Variants in UNC13C observed in about 807,000 individuals in gnomAD.
The protein encoded by UNC13C is protein unc-13 homolog C.
In UNC13C, 174 loss-of-function variants were observed where a neutral mutation model predicts 245.4. The ratio of observed to expected loss-of-function variants is 0.71; its 90% CI spans 0.63 to 0.80. UNC13C has a LOEUF of 0.80. Among genes scored for constraint, UNC13C ranks in the 30% least tolerant of loss-of-function variants. UNC13C has a pLI of 0.00. For missense variants in UNC13C, 2,829 were observed against 2,602.9 expected, an observed-to-expected ratio of 1.09 and a Z score of -1.89; for synonymous variants, 992 against 895.1, an observed-to-expected ratio of 1.11 and a Z score of -1.93.
chr15:53,860,707 T>C, the UNC13C span, among the ~76,000 whole-genome samples: 1 of 152,210 alleles, frequency 6.6e-6, no homozygotes, highest in African/African-American at 2.4e-5. Context: ...AGATCCTTAA[T>C]CTTTTAGACT....
intron 4 of UNC13C, among the ~76,000 whole-genome samples, chr15:54,196,471 C>T (rs1160487798): frequency 1.3e-5 from 2 of 152,068 alleles, no homozygotes; most frequent in African/African-American, 4.8e-5. Context: ...AAACATTCTC[C>T]AAGTTATTTT....
At chr15:54,174,329 T>C (rs2033530031) in intron 4 of UNC13C, among the ~76,000 whole-genome samples, 1 of 152,206 alleles carries the variant, frequency 6.6e-6, no homozygotes, top group Admixed American at 6.5e-5. Flanking sequence ...TTTTCTTTTA[T>C]ACAAATTACA....
At chr15:53,948,141 G>A in the UNC13C span, 34 of 152,074 alleles carry the variant, frequency 2.2e-4, no homozygotes. Flanking sequence ...CATCTCAAAA[G>A]CTACTCATGT....
chr15:54,322,147 A>G, intron 14 of UNC13C, 52 bp downstream of exon 14: 2 of 1,459,306 alleles, frequency 1.4e-6, no homozygotes, highest in South Asian at 1.4e-5. Flanking sequence ...TGGGAGTTAC[A>G]TTTCAAGAGA....
intron 25 of UNC13C, among the ~76,000 whole-genome samples, chr15:54,525,890 CCTGT>C (rs776359583): frequency 6.6e-6 from 1 of 152,144 alleles, no homozygotes; most frequent in South Asian, 2.1e-4. Flanking sequence ...TTTTGTTTTA[CCTGT>C]CTATTTCCCA....
At chr15:54,466,792 A>G (rs568675972) in intron 19 of UNC13C, among the ~76,000 whole-genome samples, 206 of 151,998 alleles carry the variant, frequency 1.4e-3, no homozygotes, top group Middle Eastern at 3.4e-3. Context: ...TATTTTAGTA[A>G]TTTGAAAAAT....
intron 2 of UNC13C, among the ~76,000 whole-genome samples, chr15:54,034,684 A>AT (rs1595745004): frequency 1.3e-5 from 2 of 152,226 alleles, no homozygotes; most frequent in East Asian, 3.9e-4. Context: ...ATACTACTGT[A>AT]CAGATTTGTT....
the UNC13C span, among the ~76,000 whole-genome samples, chr15:53,953,631 A>C: frequency 1.3e-5 from 2 of 152,252 alleles, no homozygotes; most frequent in African/African-American, 4.8e-5. Flanking sequence ...GCAATGGCTC[A>C]GAGGCAGAAT....
At chr15:53,956,062 A>C in the UNC13C span, among the ~76,000 whole-genome samples, 1 of 152,288 alleles carries the variant, frequency 6.6e-6, no homozygotes, top group East Asian at 1.9e-4. Context: ...ATCCTAACTG[A>C]ATTAATATAG....
At chr15:54,161,956 T>A (rs2032995456) in intron 4 of UNC13C, among the ~76,000 whole-genome samples, 1 of 148,180 alleles carries the variant, frequency 6.7e-6, no homozygotes, top group African/African-American at 2.5e-5. Context: ...TAAAAAAAAA[T>A]GGCTTTTTCC....
chr15:53,963,272 C>T, the UNC13C span, among the ~76,000 whole-genome samples: 6 of 152,206 alleles, frequency 3.9e-5, no homozygotes, highest in Non-Finnish European at 7.3e-5. Flanking sequence ...CCCTCAACTT[C>T]TGTCTTCACA....
chr15:54,079,010 T>C (rs1200161185), intron 2 of UNC13C, among the ~76,000 whole-genome samples: 1 of 152,102 alleles, frequency 6.6e-6, no homozygotes, highest in East Asian at 1.9e-4. Flanking sequence ...TGGGGATCTA[T>C]TTTTAGTCTT....
the UNC13C span, among the ~76,000 whole-genome samples, chr15:53,844,136 C>T: frequency 9.9e-4 from 151 of 152,178 alleles, 3 homozygotes; most frequent in East Asian, 0.022. Context: ...GCAGGAGAGA[C>T]ACAACCTCTG....
rs543400792 is a variant in UNC13C, at chr15:54,374,012, A to G, written c.4714-19036A>G. Among the ~76,000 whole-genome samples the G allele has an allele frequency of 2.6e-5, 4 of 152,226 alleles. No individual in the cohort carries two copies. The South Asian group carries it at 8.3e-4, about 32-fold the overall frequency. Reference sequence around the variant, plus strand: ...AAACCCAGAGTGGGTAGCTCCTATCATCAGGCAGGTCATCCCAACATCTGC... The same window carrying G: ...AAACCCAGAGTGGGTAGCTCCTATCGTCAGGCAGGTCATCCCAACATCTGC... On this transcript the variant is annotated intron_variant, in intron 17 of 32. Transcript: ENST00000260323.
chr15:54,397,021 T>TA (rs1455844975), intron 18 of UNC13C, among the ~76,000 whole-genome samples: 2 of 151,320 alleles, frequency 1.3e-5, no homozygotes, highest in Non-Finnish European at 3.0e-5. Context: ...TGCGCATTTT[T>TA]AAAAAAATTT....
At chr15:54,209,281 G>A (rs16974298) in intron 4 of UNC13C, among the ~76,000 whole-genome samples, 12,490 of 152,160 alleles carry the variant, frequency 0.082, 713 homozygotes, top group African/African-American at 0.15. Context: ...TGATATTTGC[G>A]AGGAGAGTAT....
At chr15:54,373,613 G>C (rs890543841) in intron 17 of UNC13C, among the ~76,000 whole-genome samples, 9 of 152,208 alleles carry the variant, frequency 5.9e-5, no homozygotes, top group African/African-American at 2.2e-4. Flanking sequence ...GTGCCTGGAA[G>C]TCTGGAACAC....
chr15:53,871,759 A>G, the UNC13C span, among the ~76,000 whole-genome samples: 14 of 152,174 alleles, frequency 9.2e-5, no homozygotes, highest in Non-Finnish European at 2.1e-4. Flanking sequence ...TGGTTTCTTC[A>G]TGCTCGCCTA....
chr15:54,238,486 T>C (rs1268487362), intron 7 of UNC13C, among the ~76,000 whole-genome samples: 1 of 152,184 alleles, frequency 6.6e-6, no homozygotes, highest in African/African-American at 2.4e-5. Context: ...CCACAGGTTA[T>C]GTTACTTCTT....
Sources: gnomAD v4.1 joint callset for allele counts (sites outside exome capture counted in the v4.1 genomes callset) on GRCh38, gnomAD v4.1.1 for gene constraint, MANE v1.5 for transcripts, NCBI Gene and HGNC (gene_info 2026-07-23, HGNC 2026-07-21) for gene names.